Variants in CDH17 observed in about 807,000 individuals in gnomAD.
CDH17 encodes the protein cadherin 17, also known as cadherin-17.
Under a neutral mutation model 86.3 loss-of-function variants are expected in CDH17, and 67 were observed. The observed-to-expected ratio is 0.78, with a 90% CI of 0.64 to 0.95. The LOEUF is 0.95. Ranked by LOEUF, CDH17 falls within the 40% of genes least tolerant of loss-of-function variation. CDH17 has a pLI of 0.00. For missense variants in CDH17, 993 were observed against 1,017.6 expected (o/e 0.98, Z 0.33); for synonymous variants, 367 against 366.4 (o/e 1.00, Z -0.02).
intron 15 of CDH17, among the ~76,000 whole-genome samples, chr8:94,136,679 C>T (rs1038118859): frequency 6.6e-5 from 10 of 152,304 alleles, no homozygotes; most frequent in East Asian, 1.9e-4. Flanking sequence ...AGCTTTGTTC[C>T]GTTGCTGGCA....
chr8:94,216,793 G>C (rs1289825275), intron 1 of CDH17, among the ~76,000 whole-genome samples: 1 of 152,196 alleles, frequency 6.6e-6, no homozygotes, highest in Non-Finnish European at 1.5e-5. Flanking sequence ...TCTCTAAAGA[G>C]AGGTTTTTCT....
intron 15 of CDH17, among the ~76,000 whole-genome samples, chr8:94,138,258 G>C (rs1263798588): frequency 2.0e-5 from 3 of 151,882 alleles, no homozygotes; most frequent in African/African-American, 7.3e-5. Flanking sequence ...ATAAGATATA[G>C]TAACAGGGAC....
At chr8:94,136,572 C>T (rs1033878965) in intron 15 of CDH17, among the ~76,000 whole-genome samples, 4 of 152,266 alleles carry the variant, frequency 2.6e-5, no homozygotes, top group South Asian at 2.1e-4. Context: ...AGCTTCCTTG[C>T]GTTGGGTTCA....
Position 94,130,967 on chromosome 8 carries a change from C to T in CDH17, c.2193G>A (p.Arg731=), listed in dbSNP as rs768898733. 2 of 1,602,670 alleles carry T rather than the reference C, an allele frequency of 1.2e-6. No homozygotes were observed. Among genetic ancestry groups the T allele is most frequent in the Non-Finnish European group, 1.7e-6 (2 of 1,169,796 alleles). ...ACTCCCTCTCCTCAAACTCTGTGTG[C>T]CTGGTAGACAGTCGGGCATGAGTAC... ...INGTHARLST[R]HTEFEEREYV... Residue 731 remains arginine, a synonymous_variant, in exon 16 of 18, where the codon AGG becomes AGA. Coordinates refer to ENST00000027335, the MANE Select transcript of CDH17 (RefSeq NM_004063.4).
intron 9 of CDH17, among the ~76,000 whole-genome samples, chr8:94,168,708 C>T (rs1418548324): frequency 6.6e-6 from 1 of 152,162 alleles, no homozygotes; most frequent in African/African-American, 2.4e-5. Flanking sequence ...ACAATGACTT[C>T]TTCAGTCTCA....
intron 2 of CDH17, among the ~76,000 whole-genome samples, chr8:94,190,919 A>C (rs1468862498): frequency 6.6e-6 from 1 of 152,164 alleles, no homozygotes; most frequent in African/African-American, 2.4e-5. Context: ...GAATGAGAAC[A>C]CAGGGGCTTT....
chr8:94,138,993 A>G (rs538878846), intron 15 of CDH17, among the ~76,000 whole-genome samples: 2 of 152,318 alleles, frequency 1.3e-5, no homozygotes, highest in South Asian at 4.1e-4. Flanking sequence ...ATTCAGTAAA[A>G]GAGAAAAATA....
rs1315638948 is a variant in CDH17, at chr8:94,170,904, C to T, written c.865G>A (p.Glu289Lys). 1.9e-6 allele frequency: 3 copies of T among 1,613,792 alleles called. No homozygotes were observed. The highest frequency in any genetic ancestry group is 2.2e-5 in the East Asian group (1 of 44,886). The change falls in exon 8 of 18, where the codon GAA (glutamate) becomes AAA (lysine). Residue 289 changes from glutamate (E) to lysine (K), a missense_variant. Glu to Lys is a moderately conservative substitution (Grantham distance 56). Transcript: ENST00000027335. ...GGCTGAGTCACGTAAATATCTCCTTCCTGGTCAATTGAAAATGGGAATCTT... is the reference window on the plus strand; with the variant it reads ...GGCTGAGTCACGTAAATATCTCCTTTCTGGTCAATTGAAAATGGGAATCTT... ...LPRFPFSIDQ[E>K]GDIYVTQPLD...
At chr8:94,132,587 T>A (rs1046694144) in intron 15 of CDH17, among the ~76,000 whole-genome samples, 1 of 152,202 alleles carries the variant, frequency 6.6e-6, no homozygotes, top group African/African-American at 2.4e-5. Context: ...GATGGGTAGA[T>A]TGCAGAAATG....
At position 94,128,014 on chromosome 8, in the gene CDH17, A is replaced by G; in HGVS notation, c.*226T>C. 1 of 400,960 alleles carries G rather than the reference A, an allele frequency of 2.5e-6. No homozygotes were observed. The highest frequency in any genetic ancestry group is 4.5e-6 in the Non-Finnish European group (1 of 223,704). 24.8% of individuals were successfully genotyped at this position (400,960 alleles called of 1,614,324 possible). ...AAGCTGAGGCAGGAGAATCATGTGA[A>G]CCCAGGAGGCGGAGGTTGCAGTGAG... On this transcript the variant is annotated 3_prime_UTR_variant, in exon 18 of 18. Transcript: ENST00000027335.
intron 1 of CDH17, among the ~76,000 whole-genome samples, chr8:94,199,077 ATATATAT>A (rs533832495): frequency 3.5e-3 from 31 of 8,758 alleles, no homozygotes; most frequent in South Asian, 0.018. Context: ...ATATATATAT[ATATATAT>A]TTTTTTTTTT....
chr8:94,199,142 A>T (rs1813856989), intron 1 of CDH17, among the ~76,000 whole-genome samples: 1 of 147,198 alleles, frequency 6.8e-6, no homozygotes, highest in Admixed American at 6.8e-5. Context: ...TAAAATCCTT[A>T]AGGGCAGAGG....
chr8:94,174,713 G>C (rs1355981580), intron 5 of CDH17, among the ~76,000 whole-genome samples: 1 of 152,130 alleles, frequency 6.6e-6, no homozygotes, highest in Non-Finnish European at 1.5e-5. Flanking sequence ...CTGCATATCT[G>C]TGTGAGGCTA....
chr8:94,146,512 C>T (rs1812747497), intron 14 of CDH17, among the ~76,000 whole-genome samples: 1 of 152,198 alleles, frequency 6.6e-6, no homozygotes, highest in Non-Finnish European at 1.5e-5. Flanking sequence ...AGGCCTTAGG[C>T]ATGTTAGTAG....
chr8:94,177,683 A>G lies in CDH17; in HGVS notation c.189T>C (p.Thr63=). 6.2e-7 allele frequency: 1 copy of G among 1,613,822 alleles called. No homozygotes were observed. The highest frequency in any genetic ancestry group is 1.3e-5 in the African/African-American group (1 of 75,044). The change falls in exon 4 of 18, where the codon ACT becomes ACC. Residue 63 remains threonine (T), a synonymous_variant. Transcript: ENST00000027335. The part of the protein sequence containing the change: ...ANPPAVTFEL[T]GETDNIFVIE... ...TCACAAATATGTTGTCTGTCTCCCC[A>G]GTTAGTTCAAAAGTCACAGCAGGAG...
At chr8:94,164,642 C>T (rs918500052) in intron 10 of CDH17, among the ~76,000 whole-genome samples, 2 of 152,192 alleles carry the variant, frequency 1.3e-5, no homozygotes, top group African/African-American at 4.8e-5. Flanking sequence ...CTGTAAAGGA[C>T]AGAAACATGA....
At chr8:94,199,070 TATATATA>T (rs1563589504) in intron 1 of CDH17, among the ~76,000 whole-genome samples, 20 of 16,934 alleles carry the variant, frequency 1.2e-3, no homozygotes, top group Non-Finnish European at 3.6e-3. Context: ...TATATATATA[TATATATA>T]TATATATTTT....
At position 94,137,944 on chromosome 8, in the gene CDH17, G is replaced by A. The variant is rs77968859; in HGVS notation, c.2168-6952C>T. On this transcript the variant is annotated intron_variant, in intron 15 of 17. Coordinates refer to ENST00000027335, the MANE Select transcript of CDH17 (RefSeq NM_004063.4). ...TGAGCTTCTGTAGACCTGATTCTGG[G>A]TTTCAAATCTGCTGCTTGTTAGCTA... Among the ~76,000 whole-genome samples the A allele has an allele frequency of 0.014, 2,189 of 152,190 alleles. 168 individuals are homozygous for A. In the East Asian group the frequency reaches 0.24, roughly 17 times the overall value.
chr8:94,216,563 G>GTTTTTTTTT (rs368207788), intron 1 of CDH17, among the ~76,000 whole-genome samples: 1 of 142,026 alleles, frequency 7.0e-6, no homozygotes, highest in African/African-American at 2.6e-5. Context: ...CAGAGGGTTT[G>GTTTTTTTTT]TTTTTTTTTT....
Sources: allele counts gnomAD v4.1 joint callset (sites outside exome capture counted in the v4.1 genomes callset), GRCh38; gene constraint gnomAD v4.1.1; transcripts MANE v1.5; gene names NCBI Gene and HGNC (gene_info 2026-07-23, HGNC 2026-07-21).